Variants in PLA2R1 observed in about 807,000 individuals in gnomAD.
PLA2R1 encodes the protein secretory phospholipase A2 receptor.
Under a neutral mutation model 195.9 loss-of-function variants are expected in PLA2R1, and 158 were observed. That is an observed-to-expected ratio of 0.81 (90% CI 0.71 to 0.92). The LOEUF (loss-of-function observed/expected upper bound fraction) is 0.92. Among genes scored for constraint, PLA2R1 ranks in the 40% least tolerant of loss-of-function variants. The pLI is 0.00. For synonymous variants in PLA2R1, 586 were observed against 598.2 expected (o/e 0.98, Z 0.30); for missense variants, 1,626 against 1,764.6 (o/e 0.92, Z 1.41).
At chr2:160,034,694 A>G (rs1694066053) in intron 3 of PLA2R1, among the ~76,000 whole-genome samples, 1 of 152,134 alleles carries the variant, frequency 6.6e-6, no homozygotes, top group African/African-American at 2.4e-5. Flanking sequence ...GCACTTTGGG[A>G]GGCTGAAGCG....
the PLA2R1 span, among the ~76,000 whole-genome samples, chr2:159,924,228 ACATGTGATTG>A: frequency 6.6e-6 from 1 of 152,164 alleles, no homozygotes; most frequent in Non-Finnish European, 1.5e-5. Context: ...TTTTAAGGAT[ACATGTGATTG>A]CATGTGAGGC....
chr2:160,045,191 T>C (rs1694782534), intron 1 of PLA2R1, 34 bp from the exon 2 acceptor site: 1 of 1,524,384 alleles, frequency 6.6e-7, no homozygotes, highest in Non-Finnish European at 9.0e-7. Flanking sequence ...GCATGAAATT[T>C]TCATATATAA....
chr2:160,032,366 T>A (rs1021694653), intron 4 of PLA2R1, among the ~76,000 whole-genome samples: 1 of 152,216 alleles, frequency 6.6e-6, no homozygotes, highest in East Asian at 1.9e-4. Flanking sequence ...CACATACAAA[T>A]ACATTTAATC....
intron 11 of PLA2R1, among the ~76,000 whole-genome samples, chr2:160,003,927 A>G (rs1360822919): frequency 6.6e-6 from 1 of 152,244 alleles, no homozygotes; most frequent in Non-Finnish European, 1.5e-5. Context: ...ATTGATGTGG[A>G]AAGTTCTCTA....
At chr2:160,013,904 G>A (rs1013206718) in intron 9 of PLA2R1, among the ~76,000 whole-genome samples, 1 of 152,040 alleles carries the variant, frequency 6.6e-6, no homozygotes, top group Non-Finnish European at 1.5e-5. Context: ...TCATCTATAC[G>A]ATGAGGATAA....
the PLA2R1 span, among the ~76,000 whole-genome samples, chr2:159,926,098 A>G: frequency 6.6e-6 from 1 of 152,242 alleles, no homozygotes; most frequent in African/African-American, 2.4e-5. Flanking sequence ...TCCTGCTGAC[A>G]CCAGTATCAA....
intron 21 of PLA2R1, among the ~76,000 whole-genome samples, 166 bp downstream of exon 21, chr2:159,956,337 TTTACAGA>T (rs1351126633): frequency 4.6e-5 from 7 of 152,158 alleles, no homozygotes; most frequent in African/African-American, 1.7e-4. Flanking sequence ...TACACTAACT[TTTACAGA>T]TATCATGAAA....
intron 11 of PLA2R1, among the ~76,000 whole-genome samples, chr2:160,000,735 T>C (rs1168519018): frequency 6.6e-6 from 1 of 151,904 alleles, no homozygotes; most frequent in East Asian, 1.9e-4. Context: ...AAAACAGAAA[T>C]AGACTTTCTA....
At chr2:159,951,601 A>C in intron 23 of PLA2R1, 23 bp from the exon 24 acceptor site, 1 of 1,165,036 alleles carries the variant, frequency 8.6e-7, no homozygotes, top group Non-Finnish European at 1.3e-6. Flanking sequence ...CAGCAACAAA[A>C]GTCATTTGCA....
At chr2:159,926,950 C>A in the PLA2R1 span, among the ~76,000 whole-genome samples, 1 of 152,120 alleles carries the variant, frequency 6.6e-6, no homozygotes, top group African/African-American at 2.4e-5. Context: ...AAGGAGGGAG[C>A]CAAGGGGTCC....
At chr2:160,036,206 A>C (rs943100153) in intron 3 of PLA2R1, among the ~76,000 whole-genome samples, 3 of 152,192 alleles carry the variant, frequency 2.0e-5, no homozygotes, top group African/African-American at 7.2e-5. Context: ...TACCTAGTCC[A>C]CATCTCTACA....
At chr2:160,041,789 G>C (rs1304959154) in intron 3 of PLA2R1, among the ~76,000 whole-genome samples, 1 of 152,228 alleles carries the variant, frequency 6.6e-6, no homozygotes, top group Non-Finnish European at 1.5e-5. Flanking sequence ...ATTATGCACT[G>C]AGCTTAATGA....
downstream of PLA2R1, among the ~76,000 whole-genome samples, chr2:159,927,440 G>T (rs1284933456): frequency 6.6e-6 from 1 of 152,124 alleles, no homozygotes; most frequent in Non-Finnish European, 1.5e-5. Flanking sequence ...CTACTATCTA[G>T]GGCCATAGGG....
At chr2:160,007,284 C>T (rs1244684592) in intron 10 of PLA2R1, among the ~76,000 whole-genome samples, 1 of 152,130 alleles carries the variant, frequency 6.6e-6, no homozygotes, top group Non-Finnish European at 1.5e-5. Flanking sequence ...GTAGTAATAC[C>T]GGGTCAGGGA....
intron 1 of PLA2R1, 145 bp from the exon 2 acceptor site, chr2:160,045,302 C>T (rs760472078): frequency 4.7e-6 from 3 of 636,532 alleles, no homozygotes; most frequent in Non-Finnish European, 8.1e-6. Flanking sequence ...CAGGGTCCAC[C>T]TGAAGGGCTG....
intron 11 of PLA2R1, among the ~76,000 whole-genome samples, chr2:159,997,890 G>A (rs563995407): frequency 5.3e-5 from 8 of 152,198 alleles, no homozygotes; most frequent in Admixed American, 2.6e-4. Flanking sequence ...TTATATGCTC[G>A]TCTGGGAACT....
intron 1 of PLA2R1, among the ~76,000 whole-genome samples, chr2:160,061,451 G>A (rs1422483224): frequency 6.6e-6 from 1 of 152,164 alleles, no homozygotes; most frequent in East Asian, 1.9e-4. Context: ...AGTTCATGGA[G>A]CCACTGGGGC....
chr2:159,949,733 A>C lies in PLA2R1; in HGVS notation c.3584T>G (p.Phe1195Cys). 1.6e-5 allele frequency: 26 copies of C among 1,613,976 alleles called. No individual in the cohort carries two copies. Among genetic ancestry groups the C allele is most frequent in the Non-Finnish European group, 2.2e-5 (26 of 1,179,864 alleles). ...GGACTCCTCATCTTTCCAAAAAGTG[A>C]AAGAAGATTTGGTGCCATCAGACCA... ...FDWSDGTKSS[F>C]TFWKDEESSL... The change falls in exon 25 of 30, where the codon TTC becomes TGC. Residue 1195 changes from phenylalanine to cysteine, a missense_variant. Coordinates refer to ENST00000283243, the MANE Select transcript of PLA2R1 (RefSeq NM_007366.5).
intron 4 of PLA2R1, 107 bp from the exon 5 acceptor site, chr2:160,029,070 G>A (rs1693694973): frequency 1.3e-5 from 9 of 683,844 alleles, no homozygotes; most frequent in South Asian, 5.1e-5. Context: ...AGTCAATGAC[G>A]GGAAAGGTGC....
Sources: gnomAD v4.1 joint callset for allele counts (sites outside exome capture counted in the v4.1 genomes callset) on GRCh38, gnomAD v4.1.1 for gene constraint, MANE v1.5 for transcripts, NCBI Gene and HGNC (gene_info 2026-07-23, HGNC 2026-07-21) for gene names.